Variants in EGFLAM observed in about 807,000 individuals in gnomAD.
EGFLAM encodes the protein pikachurin.
A neutral mutation model predicts 113.1 loss-of-function variants in EGFLAM; 79 were observed. That is an observed-to-expected ratio of 0.70 (90% CI 0.58 to 0.84). The LOEUF (loss-of-function observed/expected upper bound fraction) is 0.84, where lower values mean the gene tolerates loss of function less well. EGFLAM is among the 40% of genes least tolerant of loss of function. The probability of loss-of-function intolerance (pLI) is 0.00; values close to 1 mark genes in which losing one functional copy is unlikely to be tolerated. For synonymous variants in EGFLAM, 504 were observed against 487.6 expected (o/e 1.03, Z -0.44); for missense variants, 1,265 against 1,291.6 (o/e 0.98, Z 0.32).
chr5:38,427,338 G>A (rs970065413), intron 14 of EGFLAM, 86 bp downstream of exon 14: 3 of 1,554,304 alleles, frequency 1.9e-6, no homozygotes, highest in Non-Finnish European at 2.6e-6. Flanking sequence ...CCATTCAACA[G>A]CTCACACTCA....
At chr5:38,421,815 AAAG>A (rs1204651822) in intron 12 of EGFLAM, among the ~76,000 whole-genome samples, 3 of 152,052 alleles carry the variant, frequency 2.0e-5, no homozygotes, top group Non-Finnish European at 4.4e-5. Flanking sequence ...TGGAGAAGGG[AAAG>A]AAGGACATTC....
intron 6 of EGFLAM, among the ~76,000 whole-genome samples, chr5:38,391,703 A>G (rs911415696): frequency 6.6e-6 from 1 of 152,094 alleles, no homozygotes; most frequent in Non-Finnish European, 1.5e-5. Flanking sequence ...GGCCTTACAC[A>G]GTGTTTTAAT....
intron 1 of EGFLAM, among the ~76,000 whole-genome samples, chr5:38,316,664 C>G (rs868019208): frequency 6.6e-6 from 1 of 152,108 alleles, no homozygotes; most frequent in African/African-American, 2.4e-5. Flanking sequence ...GGGCTCAATT[C>G]CATGACACTC....
chr5:38,322,074 C>G (rs750735451), intron 1 of EGFLAM, among the ~76,000 whole-genome samples: 4 of 152,186 alleles, frequency 2.6e-5, no homozygotes, highest in Non-Finnish European at 4.4e-5. Flanking sequence ...CCCCGCCGAG[C>G]CCTGGTCTGC....
chr5:38,316,527 C>A (rs1738598996), intron 1 of EGFLAM, among the ~76,000 whole-genome samples: 1 of 152,164 alleles, frequency 6.6e-6, no homozygotes, highest in Non-Finnish European at 1.5e-5. Flanking sequence ...GATGAGTTAA[C>A]ATATCCAAAG....
chr5:38,462,377 C>T (rs944481809), intron 20 of EGFLAM, among the ~76,000 whole-genome samples: 2 of 152,146 alleles, frequency 1.3e-5, no homozygotes, highest in African/African-American at 4.8e-5. Flanking sequence ...GATAAATTCT[C>T]AACTCCTTAC....
intron 5 of EGFLAM, among the ~76,000 whole-genome samples, chr5:38,357,427 C>T (rs1739791652): frequency 6.6e-6 from 1 of 151,946 alleles, no homozygotes; most frequent in South Asian, 2.1e-4. Flanking sequence ...TTCATTATAA[C>T]AGCCCAAAGA....
rs1436464947 is a variant in EGFLAM at position 38,448,377 on chromosome 5, G to A, written c.2541G>A (p.Lys847=). 6.2e-7 allele frequency: 1 copy of A among 1,614,138 alleles called. No individual in the cohort carries two copies. Among genetic ancestry groups the A allele is most frequent in the Non-Finnish European group, 8.5e-7 (1 of 1,180,036 alleles). The part of the protein sequence containing the change: ...YLTYDNPDIL[K]RVSGSRSNVF... ...CGTATGACAACCCAGATATCTTGAA[G>A]AGGTAATAAGCTTCAACAGGCACCT... Residue 847 remains lysine, a splice_region_variant and synonymous_variant, in exon 18 of 22, where the codon AAG becomes AAA. Coordinates refer to ENST00000322350, the MANE Select transcript of EGFLAM (RefSeq NM_152403.4).
At chr5:38,365,691 A>AACATGAAT (rs944197071) in intron 5 of EGFLAM, among the ~76,000 whole-genome samples, 149 of 152,258 alleles carry the variant, frequency 9.8e-4, no homozygotes, top group African/African-American at 3.4e-3. Flanking sequence ...AGAAAGGAGA[A>AACATGAAT]ACATGAATAA....
intron 1 of EGFLAM, among the ~76,000 whole-genome samples, chr5:38,296,123 GGAAAAA>G (rs1305855646): frequency 2.0e-5 from 3 of 152,014 alleles, no homozygotes; most frequent in Non-Finnish European, 2.9e-5. Flanking sequence ...ATGATGTACA[GGAAAAA>G]GAAAAAGAAA....
At chr5:38,339,702 C>T (rs2561125) in intron 3 of EGFLAM, among the ~76,000 whole-genome samples, 2 of 152,104 alleles carry the variant, frequency 1.3e-5, no homozygotes, top group Non-Finnish European at 1.5e-5. Context: ...CATACATTAG[C>T]GAGTAACAGC....
intron 6 of EGFLAM, among the ~76,000 whole-genome samples, chr5:38,394,741 G>C (rs528858895): frequency 3.2e-4 from 39 of 120,388 alleles, no homozygotes; most frequent in African/African-American, 1.2e-3. Flanking sequence ...TAACTCTAAT[G>C]CTTGTTTAGA....
intron 19 of EGFLAM, among the ~76,000 whole-genome samples, chr5:38,457,949 G>A (rs1316386948): frequency 1.3e-5 from 2 of 152,040 alleles, no homozygotes; most frequent in African/African-American, 4.8e-5. Context: ...GGGGCTGGGG[G>A]GAGGGAAGAA....
At chr5:38,388,490 A>G (rs1740721606) in intron 6 of EGFLAM, among the ~76,000 whole-genome samples, 1 of 152,048 alleles carries the variant, frequency 6.6e-6, no homozygotes, top group African/African-American at 2.4e-5. Flanking sequence ...GGTGCCTGTA[A>G]TCCTACACTT....
intron 1 of EGFLAM, among the ~76,000 whole-genome samples, chr5:38,295,825 A>G (rs534237447): frequency 6.6e-6 from 1 of 152,352 alleles, no homozygotes; most frequent in African/African-American, 2.4e-5. Flanking sequence ...ATAGTGGGTT[A>G]AAAGACCTTA....
At chr5:38,314,885 A>G (rs1738550721) in intron 1 of EGFLAM, among the ~76,000 whole-genome samples, 1 of 152,208 alleles carries the variant, frequency 6.6e-6, no homozygotes, top group African/African-American at 2.4e-5. Flanking sequence ...TTCCATTAGC[A>G]TGGGCCCCAC....
At chr5:38,280,241 C>T (rs1437269056) in intron 1 of EGFLAM, among the ~76,000 whole-genome samples, 1 of 152,204 alleles carries the variant, frequency 6.6e-6, no homozygotes, top group Non-Finnish European at 1.5e-5. Flanking sequence ...TAAATGACTA[C>T]AAATCTTTAC....
chr5:38,352,326 C>T lies in EGFLAM; in HGVS notation c.540C>T (p.Phe180=), dbSNP rs2111987630. 1 of 1,613,940 alleles carries T rather than the reference C, an allele frequency of 6.2e-7. No homozygotes were observed. Among genetic ancestry groups the T allele is most frequent in the South Asian group, 1.1e-5 (1 of 91,060 alleles). Residue 180 remains phenylalanine (F), a synonymous_variant, in exon 5 of 22, where the codon TTC becomes TTT. Transcript: ENST00000322350. ...SAPIQYYSVE[F]IRPDFDKKWT... ...CTATTCAGTACTATTCTGTGGAATT[C>T]ATCAGGTAAGTCTGTATGTCACATT... is the stretch of plus-strand genomic sequence containing the variant.
At chr5:38,371,692 A>G (rs891125548) in intron 6 of EGFLAM, among the ~76,000 whole-genome samples, 5 of 151,756 alleles carry the variant, frequency 3.3e-5, no homozygotes, top group African/African-American at 9.7e-5. Context: ...ATCACCCAGG[A>G]AAAAAAAATG....
Sources: gnomAD v4.1 joint callset for allele counts (sites outside exome capture counted in the v4.1 genomes callset) on GRCh38, gnomAD v4.1.1 for gene constraint, MANE v1.5 for transcripts, NCBI Gene and HGNC (gene_info 2026-07-23, HGNC 2026-07-21) for gene names.